CDH20: variants seen among roughly 807,000 people sequenced by gnomAD.
The protein encoded by CDH20 is cadherin 20.
In CDH20, 29 loss-of-function variants were observed where a neutral mutation model predicts 74.2. The ratio of observed to expected loss-of-function variants is 0.39; its 90% CI spans 0.29 to 0.53. The LOEUF (loss-of-function observed/expected upper bound fraction) is 0.53, where lower values mean the gene tolerates loss of function less well. Among genes scored for constraint, CDH20 ranks in the 20% least tolerant of loss-of-function variants. The pLI is 0.69. For missense variants in CDH20, 988 were observed against 1,048.3 expected (o/e 0.94, Z 0.79); for synonymous variants, 469 against 405.4 (o/e 1.16, Z -1.88).
At chr18:61,486,418 A>G (rs1599118069) in intron 1 of CDH20, among the ~76,000 whole-genome samples, 1 of 152,194 alleles carries the variant, frequency 6.6e-6, no homozygotes, top group East Asian at 1.9e-4. Context: ...TCCAATTTAT[A>G]CTGGTGACCA....
rs543504887 is a variant in CDH20, at chr18:61,395,087, C to G, written c.-153+61260C>G. Among the ~76,000 whole-genome samples the G allele has an allele frequency of 3.4e-4, 52 of 152,168 alleles. 1 individual carries two copies. The South Asian group carries it at 0.011, about 31-fold the overall frequency. On this transcript the variant is annotated intron_variant, in intron 1 of 11. Transcript: ENST00000262717. The stretch of plus-strand genomic sequence containing the variant: ...TTCAAGACTACTTCTTCCTCTTCCC[C>G]TTGCAAAACCTCCCACTTCTTTAAG...
chr18:61,506,969 G>A (rs369013497), intron 5 of CDH20, among the ~76,000 whole-genome samples: 14 of 152,304 alleles, frequency 9.2e-5, no homozygotes, highest in South Asian at 4.1e-4. Flanking sequence ...CATTTGAAGC[G>A]TAAACAGAAT....
intron 1 of CDH20, among the ~76,000 whole-genome samples, chr18:61,400,691 T>C (rs970143725): frequency 6.6e-6 from 1 of 152,186 alleles, no homozygotes; most frequent in African/African-American, 2.4e-5. Flanking sequence ...ACCTGCACAA[T>C]TTTATTTCTA....
intron 1 of CDH20, among the ~76,000 whole-genome samples, chr18:61,463,026 C>T (rs1292751270): frequency 6.6e-6 from 1 of 152,170 alleles, no homozygotes; most frequent in African/African-American, 2.4e-5. Flanking sequence ...TAAACAACTT[C>T]TTGTTATTGC....
intron 1 of CDH20, among the ~76,000 whole-genome samples, chr18:61,458,420 A>T (rs759863877): frequency 2.8e-4 from 42 of 152,122 alleles, no homozygotes; most frequent in South Asian, 1.2e-3. Context: ...AAAGTTGCCC[A>T]TCAAAAAGGC....
chr18:61,360,146 AT>A (rs1279663766), intron 1 of CDH20, among the ~76,000 whole-genome samples: 8 of 152,168 alleles, frequency 5.3e-5, no homozygotes, highest in Non-Finnish European at 1.2e-4. Flanking sequence ...AAGATCTGAT[AT>A]TCAATGGGTT....
intron 1 of CDH20, among the ~76,000 whole-genome samples, chr18:61,368,559 A>C (rs1005033358): frequency 7.2e-5 from 11 of 152,120 alleles, no homozygotes; most frequent in Non-Finnish European, 1.5e-4. Flanking sequence ...GATTAAAAAC[A>C]AAAATTTTTG....
At chr18:61,435,336 A>G (rs79567437) in intron 1 of CDH20, among the ~76,000 whole-genome samples, 3,082 of 152,154 alleles carry the variant, frequency 0.02, 104 homozygotes, top group African/African-American at 0.07. Flanking sequence ...GGATGCTGTC[A>G]ATACCTAGCA....
At chr18:61,531,502 A>C (rs959097332) in intron 7 of CDH20, among the ~76,000 whole-genome samples, 3 of 152,190 alleles carry the variant, frequency 2.0e-5, no homozygotes, top group South Asian at 2.1e-4. Flanking sequence ...TATTAGAGAA[A>C]ATTCAATTCT....
In CDH20 at chr18:61,422,909, T is replaced by C. The variant is rs80316930; in HGVS notation, c.-152-67493T>C. 9.0e-3 allele frequency among the ~76,000 whole-genome samples: 1,363 copies of C among 152,208 alleles called. 17 individuals are homozygous for C. The highest frequency in any genetic ancestry group is 0.029 in the African/African-American group (1,223 of 41,542). On this transcript the variant is annotated intron_variant, in intron 1 of 11. Transcript: ENST00000262717. ...GAGTAGGAGAAAGTAGTTCCAATGA[T>C]TATATTTTGCTTTTGACTATGTTTA...
At chr18:61,472,519 G>C (rs546159102) in intron 1 of CDH20, among the ~76,000 whole-genome samples, 1 of 152,104 alleles carries the variant, frequency 6.6e-6, no homozygotes, top group Non-Finnish European at 1.5e-5. Context: ...GGGCAAGCTC[G>C]GGAAAATGCA....
intron 1 of CDH20, among the ~76,000 whole-genome samples, chr18:61,443,761 C>G (rs183629828): frequency 6.6e-6 from 1 of 152,242 alleles, no homozygotes; most frequent in East Asian, 1.9e-4. Context: ...CTGTTGGTTG[C>G]GATTTGGACA....
At chr18:61,523,159 A>G (rs1403822427) in intron 6 of CDH20, among the ~76,000 whole-genome samples, 1 of 151,998 alleles carries the variant, frequency 6.6e-6, no homozygotes, top group Non-Finnish European at 1.5e-5. Context: ...TTTGCAATCT[A>G]TCCATCTGAC....
Position 61,490,730 on chromosome 18 carries a change from G to GA in CDH20, c.178dup (p.Ser60LysfsTer101), listed in dbSNP as rs1378897284. 1 of 1,614,038 alleles carries GA rather than the reference G, an allele frequency of 6.2e-7. No individual in the cohort carries two copies. The highest frequency in any genetic ancestry group is 8.5e-7 in the Non-Finnish European group (1 of 1,180,022). Reference sequence around the variant, plus strand: ...CACAGTCACATCAGCGGACCAAGAGGAGCTGGGTTTGGAACCAGTTTTTCG... The same window carrying GA: ...CACAGTCACATCAGCGGACCAAGAGGAAGCTGGGTTTGGAACCAGTTTTTCG... On this transcript the variant is annotated frameshift_variant, in exon 2 of 12. Transcript: ENST00000262717. LOFTEE classifies it high-confidence loss of function.
intron 5 of CDH20, among the ~76,000 whole-genome samples, chr18:61,506,015 CTGAT>C (rs2144327981): frequency 6.6e-6 from 1 of 152,240 alleles, no homozygotes; most frequent in South Asian, 2.1e-4. Context: ...ATTACTATAA[CTGAT>C]TGTGGAATGT....
intron 1 of CDH20, among the ~76,000 whole-genome samples, chr18:61,395,106 C>T (rs1328900703): frequency 1.3e-5 from 2 of 152,006 alleles, no homozygotes; most frequent in African/African-American, 2.4e-5. Context: ...CCTCCCACTT[C>T]TTTAAGTTTC....
At chr18:61,418,486 G>A (rs770871187) in intron 1 of CDH20, among the ~76,000 whole-genome samples, 31 of 150,402 alleles carry the variant, frequency 2.1e-4, no homozygotes, top group South Asian at 1.5e-3. Flanking sequence ...CCCGGGAGGC[G>A]GAGTTTGCAG....
chr18:61,528,526 T>A (rs1912531523), intron 7 of CDH20, among the ~76,000 whole-genome samples: 1 of 151,484 alleles, frequency 6.6e-6, no homozygotes, highest in Non-Finnish European at 1.5e-5. Flanking sequence ...TGGGGGTGGG[T>A]AATTCTGTGT....
intron 1 of CDH20, among the ~76,000 whole-genome samples, chr18:61,417,100 T>C (rs979391599): frequency 6.6e-6 from 1 of 152,204 alleles, no homozygotes; most frequent in Non-Finnish European, 1.5e-5. Context: ...TTATTTAATG[T>C]CATATTTGTG....
Sources: gnomAD v4.1 joint callset for allele counts (sites outside exome capture counted in the v4.1 genomes callset) on GRCh38, gnomAD v4.1.1 for gene constraint, MANE v1.5 for transcripts, NCBI Gene and HGNC (gene_info 2026-07-23, HGNC 2026-07-21) for gene names.